The following FAAH2 variants were observed in gnomAD, a reference collection of about 807,000 sequenced individuals.
FAAH2 encodes fatty acid amide hydrolase 2.
A neutral mutation model predicts 36.9 loss-of-function variants in FAAH2; 60 were observed. The ratio of observed to expected loss-of-function variants is 1.63; its 90% confidence interval spans 1.32 to 2.02. The LOEUF is 2.02. FAAH2 is among the 30% of genes most tolerant of loss of function. The probability of loss-of-function intolerance (pLI) is 0.00; values close to 1 mark genes in which losing one functional copy is unlikely to be tolerated. For synonymous variants in FAAH2, 214 were observed against 143.8 expected (o/e 1.49, Z -3.49); for missense variants, 689 against 397.5 (o/e 1.73, Z -6.23).
At chrX:57,399,378 A>G (rs911115612) in intron 7 of FAAH2, among the ~76,000 whole-genome samples, 1 of 111,952 alleles carries the variant, frequency 8.9e-6, no homozygotes, top group African/African-American at 3.3e-5. Context: ...AATAATTTCC[A>G]TGGGTTAGCT....
the FAAH2 span, among the ~76,000 whole-genome samples, chrX:57,249,459 C>T: frequency 1.8e-5 from 2 of 112,300 alleles, no homozygotes; most frequent in South Asian, 3.7e-4. Flanking sequence ...CTGAATTAAA[C>T]TTCCAGGCCC....
the FAAH2 span, among the ~76,000 whole-genome samples, chrX:57,247,843 G>A: frequency 1.1e-4 from 12 of 112,273 alleles, no homozygotes; most frequent in Non-Finnish European, 1.7e-4. Flanking sequence ...TGCTTCAAAC[G>A]TGTTTTCCCT....
chrX:57,304,553 T>A (rs961814037), intron 2 of FAAH2, among the ~76,000 whole-genome samples: 1 of 112,020 alleles, frequency 8.9e-6, no homozygotes, highest in African/African-American at 3.2e-5. Flanking sequence ...TAAACCAATT[T>A]TTGGCAAGGT....
the FAAH2 span, among the ~76,000 whole-genome samples, chrX:57,144,791 G>A: frequency 1.8e-5 from 2 of 110,342 alleles, no homozygotes; most frequent in Non-Finnish European, 3.8e-5. Flanking sequence ...TTATTCCCGA[G>A]TTACTTCACT....
the FAAH2 span, among the ~76,000 whole-genome samples, chrX:57,239,001 A>G: frequency 2.6e-4 from 29 of 112,281 alleles, no homozygotes; most frequent in East Asian, 7.8e-3. Context: ...AACCATGGTG[A>G]TGGGATTATT....
the FAAH2 span, among the ~76,000 whole-genome samples, chrX:57,254,067 C>T: frequency 9.1e-6 from 1 of 109,485 alleles, no homozygotes; most frequent in African/African-American, 3.3e-5. Context: ...CACACATAGG[C>T]TCAAAATAAA....
chrX:57,151,673 T>C, the FAAH2 span, among the ~76,000 whole-genome samples: 2 of 111,527 alleles, frequency 1.8e-5, no homozygotes, highest in Non-Finnish European at 3.8e-5. Context: ...AATTTTTTTT[T>C]CAAAGTTTTT....
chrX:57,208,379 C>T, the FAAH2 span, among the ~76,000 whole-genome samples: 1 of 112,147 alleles, frequency 8.9e-6, no homozygotes, highest in Non-Finnish European at 1.9e-5. Context: ...GAACCAGAGC[C>T]CACACTTGTC....
chrX:57,331,948 A>G (rs1161196520), intron 4 of FAAH2, 141 bp downstream of exon 4: 1 of 572,510 alleles, frequency 1.7e-6, no homozygotes, highest in Non-Finnish European at 2.7e-6. Flanking sequence ...GTGTTGATGG[A>G]GAAGAAATGG....
chrX:57,345,591 T>G (rs1480835465), intron 5 of FAAH2, among the ~76,000 whole-genome samples: 1 of 111,297 alleles, frequency 9.0e-6, no homozygotes, highest in Non-Finnish European at 1.9e-5. Flanking sequence ...TTGGTTAAAT[T>G]GATCTTTTGT....
At chrX:57,445,319 A>T (rs775590796) in intron 8 of FAAH2, among the ~76,000 whole-genome samples, 8 of 110,460 alleles carry the variant, frequency 7.2e-5, no homozygotes, top group African/African-American at 2.3e-4. Context: ...AAAGTAAGTC[A>T]CTCTCTTGTC....
chrX:57,277,878 A>T, the FAAH2 span, among the ~76,000 whole-genome samples: 1 of 111,626 alleles, frequency 9.0e-6, no homozygotes, highest in Non-Finnish European at 1.9e-5. Context: ...GAGGTGAAGG[A>T]CCTCTTCAAG....
chrX:57,171,537 T>A, the FAAH2 span, among the ~76,000 whole-genome samples: 1 of 111,949 alleles, frequency 8.9e-6, no homozygotes, highest in South Asian at 3.7e-4. Flanking sequence ...TTCATATGTT[T>A]CTTGGCCATT....
At chrX:57,288,175 T>C (rs1427331335) in intron 1 of FAAH2, among the ~76,000 whole-genome samples, 2 of 110,403 alleles carry the variant, frequency 1.8e-5, no homozygotes, top group African/African-American at 6.6e-5. Flanking sequence ...TTCATGGCTC[T>C]GTGACCTTGT....
intron 7 of FAAH2, among the ~76,000 whole-genome samples, chrX:57,405,026 T>A (rs1015030341): frequency 1.8e-5 from 2 of 111,992 alleles, no homozygotes; most frequent in South Asian, 7.5e-4. Context: ...GAAAGCCCTT[T>A]CCCAGACAGC....
intron 7 of FAAH2, chrX:57,392,797 A>C: frequency 1.6e-6 from 1 of 638,324 alleles, no homozygotes; most frequent in Non-Finnish European, 2.7e-6. Flanking sequence ...GGCAGAATGA[A>C]TCCTGTAGGG....
the FAAH2 span, among the ~76,000 whole-genome samples, chrX:57,197,089 T>A: frequency 1.8e-5 from 2 of 111,897 alleles, no homozygotes; most frequent in Non-Finnish European, 3.8e-5. Context: ...TTTCTTTGTC[T>A]TTGTCAAACT....
chrX:57,470,074 A>T (rs1185728980), intron 10 of FAAH2, among the ~76,000 whole-genome samples: 1 of 111,937 alleles, frequency 8.9e-6, no homozygotes, highest in Non-Finnish European at 1.9e-5. Context: ...ACAAAACACC[A>T]GAATCTCTGG....
intron 7 of FAAH2, among the ~76,000 whole-genome samples, chrX:57,402,833 G>T (rs747576840): frequency 8.9e-6 from 1 of 112,229 alleles, no homozygotes; most frequent in Admixed American, 9.4e-5. Context: ...ACTGGGAACT[G>T]CCTGGTGGCA....
Sources: allele counts gnomAD v4.1 joint callset (sites outside exome capture counted in the v4.1 genomes callset), GRCh38; gene constraint gnomAD v4.1.1; transcripts MANE v1.5; gene names NCBI Gene and HGNC (gene_info 2026-07-23, HGNC 2026-07-21).